Variants in SPIDR observed in about 807,000 individuals in gnomAD.
The protein encoded by SPIDR is DNA repair-scaffolding protein.
A neutral mutation model predicts 104.6 loss-of-function variants in SPIDR; 93 were observed. The ratio of observed to expected loss-of-function variants is 0.89; its 90% CI spans 0.75 to 1.06. The LOEUF (loss-of-function observed/expected upper bound fraction) is 1.06, where lower values mean the gene tolerates loss of function less well. Ranked by LOEUF, SPIDR falls within the 50% of genes least tolerant of loss-of-function variation. SPIDR has a pLI of 0.00. For missense variants in SPIDR, 1,154 were observed against 1,111.2 expected (o/e 1.04, Z -0.55); for synonymous variants, 431 against 416.9 (o/e 1.03, Z -0.41).
At chr8:47,291,948 G>A (rs1163235900) in intron 4 of SPIDR, among the ~76,000 whole-genome samples, 5 of 152,094 alleles carry the variant, frequency 3.3e-5, no homozygotes, top group African/African-American at 1.2e-4. Context: ...TTTGCTATGG[G>A]GAGTAACACC....
At chr8:47,534,491 A>G (rs1336730586) in intron 8 of SPIDR, among the ~76,000 whole-genome samples, 1 of 152,182 alleles carries the variant, frequency 6.6e-6, no homozygotes, top group South Asian at 2.1e-4. Flanking sequence ...ACATGGTTGG[A>G]GCTGGAGCCT....
intron 8 of SPIDR, among the ~76,000 whole-genome samples, chr8:47,590,726 C>T (rs540339760): frequency 1.3e-5 from 2 of 152,214 alleles, no homozygotes; most frequent in East Asian, 3.9e-4. Flanking sequence ...CTAGTTCTAT[C>T]AAATGTTGAG....
chr8:47,328,148 A>G (rs1311860451), intron 5 of SPIDR, among the ~76,000 whole-genome samples: 1 of 151,962 alleles, frequency 6.6e-6, no homozygotes, highest in African/African-American at 2.4e-5. Context: ...TGCCAAATCC[A>G]CGATCATGAA....
chr8:47,460,367 A>G (rs543898141), intron 8 of SPIDR, among the ~76,000 whole-genome samples: 1 of 152,262 alleles, frequency 6.6e-6, no homozygotes, highest in East Asian at 1.9e-4. Flanking sequence ...CGTTTTGGAC[A>G]AGGCCTTTTA....
chr8:47,549,129 C>T (rs1161320481), intron 8 of SPIDR, among the ~76,000 whole-genome samples: 1 of 152,192 alleles, frequency 6.6e-6, no homozygotes, highest in Non-Finnish European at 1.5e-5. Context: ...CATAGTATTC[C>T]ATGGTGTATA....
At chr8:47,574,631 C>A (rs923388878) in intron 8 of SPIDR, among the ~76,000 whole-genome samples, 1 of 151,838 alleles carries the variant, frequency 6.6e-6, no homozygotes, top group Admixed American at 6.6e-5. Flanking sequence ...AAAATAAAAA[C>A]AAAAATTACT....
chr8:47,706,568 C>T (rs1017726826), intron 14 of SPIDR, among the ~76,000 whole-genome samples: 11 of 152,202 alleles, frequency 7.2e-5, no homozygotes, highest in East Asian at 1.9e-4. Flanking sequence ...CAGAATCCTC[C>T]GCTGTGCCAT....
chr8:47,488,165 G>T lies in SPIDR; in HGVS notation c.1097+47623G>T, dbSNP rs935956368. ...ATAGACACAATAAAAAATGATAAAG[G>T]GGATATCACCACCGGTCCCACAGAA... is the stretch of plus-strand genomic sequence containing the variant. On this transcript the variant is annotated intron_variant, in intron 8 of 19. Coordinates refer to ENST00000297423, the MANE Select transcript of SPIDR (RefSeq NM_001080394.4). Among the ~76,000 whole-genome samples the T allele has an allele frequency of 4.6e-5, 7 of 152,088 alleles. No individual in the cohort carries two copies. The East Asian group carries it at 1.4e-3, about 29-fold the overall frequency.
intron 5 of SPIDR, chr8:47,294,331 C>G: frequency 3.7e-6 from 1 of 272,686 alleles, no homozygotes; most frequent in Non-Finnish European, 6.9e-6. Context: ...TTGCACATGT[C>G]AGCCACCATA....
rs1240087870 is a variant in SPIDR, at chr8:47,729,025, C to G, written c.2528C>G (p.Pro843Arg). The G allele has an allele frequency of 1.1e-5, 18 of 1,613,878 alleles. No homozygotes were observed. Among genetic ancestry groups the G allele is most frequent in the Admixed American group, 3.3e-5 (2 of 60,000 alleles). ...LQVFLDCRSR[P>R]QCRVKVKLLQ... The stretch of plus-strand genomic sequence containing the variant: ...GTCTTCCTGGACTGCCGCTCAAGAC[C>G]GCAGTGCAGAGTGAAGGTCAAGGTA... Residue 843 changes from proline to arginine, a missense_variant, in exon 18 of 20, where the codon CCG (proline) becomes CGG (arginine). By Grantham distance (103) the Pro-to-Arg change is moderately radical (BLOSUM62 -2). Coordinates refer to ENST00000297423, the MANE Select transcript of SPIDR (RefSeq NM_001080394.4).
At chr8:47,724,411 C>T (rs1327133188) in intron 16 of SPIDR, among the ~76,000 whole-genome samples, 1 of 152,244 alleles carries the variant, frequency 6.6e-6, no homozygotes, top group Admixed American at 6.5e-5. Flanking sequence ...CAGGTCTGCC[C>T]ACCTCCATCA....
chr8:47,307,394 T>C lies in SPIDR; in HGVS notation c.525+13364T>C, dbSNP rs587663629. On this transcript the variant is annotated intron_variant, in intron 5 of 19. Transcript: ENST00000297423. ...CCACCACGCCTGGCTCATTTTTGTA[T>C]GTTTAGTAGAGATGGGGTTCCACAA... Among the ~76,000 whole-genome samples the C allele has an allele frequency of 2.0e-5, 3 of 151,608 alleles. No individual in the cohort carries two copies. In the South Asian group the frequency reaches 6.2e-4, roughly 31 times the overall value.
At chr8:47,317,150 G>A (rs995346002) in intron 5 of SPIDR, among the ~76,000 whole-genome samples, 3 of 152,266 alleles carry the variant, frequency 2.0e-5, no homozygotes, top group South Asian at 2.1e-4. Context: ...GAAGCAGGGC[G>A]AGGCATCACC....
intron 4 of SPIDR, among the ~76,000 whole-genome samples, chr8:47,293,535 C>T (rs1302715188): frequency 6.6e-6 from 1 of 152,080 alleles, no homozygotes; most frequent in Non-Finnish European, 1.5e-5. Context: ...CAACCTCCAC[C>T]TCTCGGGTTC....
chr8:47,589,988 T>C lies in SPIDR; in HGVS notation c.1098-5823T>C, dbSNP rs139643975. 6.5e-4 allele frequency among the ~76,000 whole-genome samples: 99 copies of C among 152,058 alleles called. No individual in the cohort carries two copies. The East Asian group carries it at 0.018, about 28-fold the overall frequency. On this transcript the variant is annotated intron_variant, in intron 8 of 19. Coordinates refer to ENST00000297423, the MANE Select transcript of SPIDR (RefSeq NM_001080394.4). ...TTTGAGACCATCCTGACCAACATGG[T>C]GAATGAAACCTGGTCTCTACTTTAA...
chr8:47,432,847 T>A (rs2067599047), intron 7 of SPIDR, among the ~76,000 whole-genome samples: 1 of 152,190 alleles, frequency 6.6e-6, no homozygotes, highest in Non-Finnish European at 1.5e-5. Context: ...TCAGGGTGGC[T>A]ATCATTACAT....
intron 5 of SPIDR, among the ~76,000 whole-genome samples, chr8:47,302,908 G>T (rs1257227349): frequency 6.6e-6 from 1 of 152,218 alleles, no homozygotes; most frequent in African/African-American, 2.4e-5. Context: ...CCCACTTGAG[G>T]AGGCAGTGTG....
intron 5 of SPIDR, among the ~76,000 whole-genome samples, chr8:47,319,087 C>T (rs2045983753): frequency 6.6e-6 from 1 of 152,006 alleles, no homozygotes; most frequent in African/African-American, 2.4e-5. Context: ...CAAATTCACA[C>T]ATAACAATAT....
intron 9 of SPIDR, 97 bp downstream of exon 9, chr8:47,596,103 C>T: frequency 3.5e-6 from 4 of 1,148,376 alleles, no homozygotes; most frequent in Non-Finnish European, 3.7e-6. Context: ...AGCCTTTTGT[C>T]TCCCTCCAAA....
Sources: allele counts gnomAD v4.1 joint callset (sites outside exome capture counted in the v4.1 genomes callset), GRCh38; gene constraint gnomAD v4.1.1; transcripts MANE v1.5; gene names NCBI Gene and HGNC (gene_info 2026-07-23, HGNC 2026-07-21).